The following SLC6A20 variants were observed in gnomAD, a reference collection of about 807,000 sequenced individuals.
The protein encoded by SLC6A20 is solute carrier family 6 member 20.
A neutral mutation model predicts 64.3 loss-of-function variants in SLC6A20; 73 were observed. The observed-to-expected ratio is 1.14, with a 90% confidence interval of 0.94 to 1.38. The LOEUF (loss-of-function observed/expected upper bound fraction) is 1.38, where lower values mean the gene tolerates loss of function less well. SLC6A20 is among the 40% of genes most tolerant of loss of function. SLC6A20 has a pLI of 0.00. For synonymous variants in SLC6A20, 347 were observed against 329.6 expected, an observed-to-expected ratio of 1.05 and a Z score of -0.57; for missense variants, 725 against 772.8, an observed-to-expected ratio of 0.94 and a Z score of 0.73.
At chr3:45,779,515 C>A (rs921654369) in intron 3 of SLC6A20, among the ~76,000 whole-genome samples, 1 of 152,092 alleles carries the variant, frequency 6.6e-6, no homozygotes, top group Non-Finnish European at 1.5e-5. Flanking sequence ...ACTTAGGGGT[C>A]TGCAGGGAAA....
At chr3:45,788,788 G>A (rs1485356919) in intron 1 of SLC6A20, among the ~76,000 whole-genome samples, 1 of 152,194 alleles carries the variant, frequency 6.6e-6, no homozygotes, top group Non-Finnish European at 1.5e-5. Context: ...TGCTGAGAAA[G>A]CGAACCACCT....
chr3:45,795,945 C>T (rs1318245429), intron 1 of SLC6A20, among the ~76,000 whole-genome samples: 1 of 152,144 alleles, frequency 6.6e-6, no homozygotes, highest in Non-Finnish European at 1.5e-5. Context: ...TACACCTAAA[C>T]GTAAGGTTTA....
intron 3 of SLC6A20, among the ~76,000 whole-genome samples, chr3:45,776,847 T>C (rs1699976933): frequency 6.6e-6 from 1 of 152,010 alleles, no homozygotes; most frequent in Admixed American, 6.5e-5. Flanking sequence ...CAGGCGGGGA[T>C]TGGGAAAGCT....
At chr3:45,767,667 A>G (rs2125722246) in intron 7 of SLC6A20, among the ~76,000 whole-genome samples, 1 of 152,336 alleles carries the variant, frequency 6.6e-6, no homozygotes, top group East Asian at 1.9e-4. Flanking sequence ...ACTGATAAGA[A>G]ACATTGGACC....
Position 45,758,811 on chromosome 3 carries a change from C to T in SLC6A20, c.*167G>A, listed in dbSNP as rs906518571. 1.9e-5 allele frequency: 26 copies of T among 1,354,554 alleles called. No individual in the cohort carries two copies. The highest frequency in any genetic ancestry group is 1.1e-4 in the Admixed American group (3 of 28,204). The allele number at this position is 1,354,554 out of a possible 1,614,324, so 83.9% of individuals were successfully genotyped here. A position where few individuals can be genotyped will look rare whatever the true frequency, so the allele number is the denominator to read the frequency against. Reference sequence around the variant, plus strand: ...GGAACAGCCACCACGGGAGGGTGTGCGTTCTCCCAAGGGAGTTTTCTTCCT... The same window carrying T: ...GGAACAGCCACCACGGGAGGGTGTGTGTTCTCCCAAGGGAGTTTTCTTCCT... On this transcript the variant is annotated 3_prime_UTR_variant, in exon 11 of 11. Transcript: ENST00000358525.
At chr3:45,776,507 C>T (rs140862298) in intron 3 of SLC6A20, among the ~76,000 whole-genome samples, 1 of 152,230 alleles carries the variant, frequency 6.6e-6, no homozygotes, top group East Asian at 1.9e-4. Context: ...ACTGGCTCCA[C>T]CCTGCAAAGT....
chr3:45,777,633 C>CG (rs1699992986), intron 3 of SLC6A20, among the ~76,000 whole-genome samples: 1 of 152,186 alleles, frequency 6.6e-6, no homozygotes. Flanking sequence ...CTGAATGATG[C>CG]GGGTGCAGGG....
intron 1 of SLC6A20, among the ~76,000 whole-genome samples, chr3:45,784,159 G>T (rs1700138403): frequency 1.3e-5 from 2 of 152,310 alleles, no homozygotes; most frequent in South Asian, 4.1e-4. Flanking sequence ...ATGCCAAGTG[G>T]GAACATGGGG....
At position 45,796,395 on chromosome 3, in the gene SLC6A20, C is replaced by G. The variant is rs936833799; in HGVS notation, c.25G>C (p.Ala9Pro). 6 of 1,612,264 alleles carry G rather than the reference C, an allele frequency of 3.7e-6. No homozygotes were observed. In the African/African-American group the frequency reaches 8.0e-5, roughly 22 times the overall value. Residue 9 changes from alanine (A) to proline (P), a missense_variant, in exon 1 of 11, where the codon GCC (alanine) becomes CCC (proline). Ala to Pro is a conservative substitution (Grantham distance 27). Transcript: ENST00000358525. The stretch of plus-strand genomic sequence containing the variant: ...GCGAACACGAACTGTAGCGAGTTGG[C>G]CCACAGCGGCCGCGCTTTCTCCATG... MEKARPLW[A>P]NSLQFVFACI... is the part of the protein sequence containing the mutation.
chr3:45,790,746 T>C (rs1700236350), intron 1 of SLC6A20, among the ~76,000 whole-genome samples: 1 of 152,206 alleles, frequency 6.6e-6, no homozygotes, highest in Non-Finnish European at 1.5e-5. Flanking sequence ...GCCACTTCCC[T>C]GCTTAAAATC....
rs201906656 is a variant in SLC6A20 at position 45,759,994 on chromosome 3, C to G, written c.1492G>C (p.Gly498Arg). The G allele has an allele frequency of 6.2e-7, 1 of 1,613,114 alleles. No individual in the cohort carries two copies. The highest frequency in any genetic ancestry group is 8.5e-7 in the Non-Finnish European group (1 of 1,179,712). Residue 498 changes from glycine (G) to arginine (R), a missense_variant, in exon 10 of 11, where the codon GGC (glycine) becomes CGC (arginine). Physicochemically the swap from Gly to Arg is moderately radical, Grantham distance 125. Coordinates refer to ENST00000358525, the MANE Select transcript of SLC6A20 (RefSeq NM_020208.4). ...TTCCAGTACCAGCTCACAGCTCGGC[C>G]GGTCATGGCCTTAAGGTCACTTTCA... Reference protein sequence around the residue: ...RFESDLKAMTGRAVSWYWKVM... With the variant: ...RFESDLKAMTRRAVSWYWKVM...
Position 45,758,465 on chromosome 3 carries a change from G to A in SLC6A20, c.*513C>T. 1 of 1,248,940 alleles carries A rather than the reference G, an allele frequency of 8.0e-7. No homozygotes were observed. The highest frequency in any genetic ancestry group is 1.0e-6 in the Non-Finnish European group (1 of 972,142). 77.4% of individuals were successfully genotyped at this position (1,248,940 alleles called of 1,614,324 possible). ...TAACTTGTCATCCTAAGATTTAAAG[G>A]GTGGAAGGGGAACACAGAAATTGCA... On this transcript the variant is annotated 3_prime_UTR_variant, in exon 11 of 11. Transcript: ENST00000358525.
At chr3:45,780,785 C>T (rs914794358) in intron 2 of SLC6A20, among the ~76,000 whole-genome samples, 1 of 152,176 alleles carries the variant, frequency 6.6e-6, no homozygotes, top group African/African-American at 2.4e-5. Context: ...CTGGGACACT[C>T]GGTAGTAGAA....
rs1000315855 is a variant in SLC6A20, at chr3:45,758,216, T to C, written c.*762A>G. 9 of 253,650 alleles carry C rather than the reference T, an allele frequency of 3.5e-5. No individual in the cohort carries two copies. Among genetic ancestry groups the C allele is most frequent in the Non-Finnish European group, 5.4e-5 (7 of 129,442 alleles). The allele number at this position is 253,650 out of a possible 1,614,324, so 15.7% of individuals were successfully genotyped here. A position where few individuals can be genotyped will look rare whatever the true frequency, so the allele number is the denominator to read the frequency against. ...ACAGGCGTGAGCCACCGTGCCCAGC[T>C]GAGATCCACTTTCATTCTCACCTCA... On this transcript the variant is annotated 3_prime_UTR_variant, in exon 11 of 11. Transcript: ENST00000358525.
At chr3:45,783,769 AGCTTCATCCT>A (rs975912465) in intron 1 of SLC6A20, among the ~76,000 whole-genome samples, 1 of 152,190 alleles carries the variant, frequency 6.6e-6, no homozygotes, top group Non-Finnish European at 1.5e-5. Flanking sequence ...TGGAGTTCCT[AGCTTCATCCT>A]GCTCATGTGG....
rs763494259 is a variant in SLC6A20 at position 45,780,093 on chromosome 3, G to A, written c.270C>T (p.Ala90=). The change falls in exon 3 of 11, where the codon GCC becomes GCT. Residue 90 remains alanine, a synonymous_variant. Coordinates refer to ENST00000358525, the MANE Select transcript of SLC6A20 (RefSeq NM_020208.4). ...AGAGGAAGAAAGAGACCACCACGCT[G>A]GCGACCCCTGCGAGGAAGCAGAGGG... ...ISPYLSGVGV[A]SVVVSFFLSM... 1.3e-5 allele frequency: 20 copies of A among 1,591,612 alleles called. No homozygotes were observed. Among genetic ancestry groups the A allele is most frequent in the Middle Eastern group, 3.3e-4 (2 of 6,056 alleles).
At chr3:45,786,610 A>G (rs1026251327) in intron 1 of SLC6A20, among the ~76,000 whole-genome samples, 2 of 152,182 alleles carry the variant, frequency 1.3e-5, no homozygotes, top group African/African-American at 2.4e-5. Context: ...GAGAGTTACT[A>G]TTCTCCCCTT....
At position 45,765,490 on chromosome 3, in the gene SLC6A20, C is replaced by A; in HGVS notation, c.1303+47G>T. 6.3e-7 allele frequency: 1 copy of A among 1,576,358 alleles called. No homozygotes were observed. The highest frequency in any genetic ancestry group is 1.1e-5 in the South Asian group (1 of 87,082). On this transcript the variant is annotated intron_variant, in intron 8 of 10. Coordinates refer to ENST00000358525, the MANE Select transcript of SLC6A20 (RefSeq NM_020208.4). This position sits in a 1 kb window ranked among gnomAD's most constrained non-coding sequence, Gnocchi z 4.2. ...AGCTCTCCCCTGTTCACCCCCACGC[C>A]TTGGCCCTCCTGACCCCTGCCTCCT...
In SLC6A20 at chr3:45,758,943, T is replaced by A. The variant is rs752464642; in HGVS notation, c.*35A>T. ...GAGGAGTTTCCGCCTGTAAATAGTA[T>A]CTGTAAAACCGTGAGCGGCTGGGAA... is the stretch of plus-strand genomic sequence containing the variant. On this transcript the variant is annotated 3_prime_UTR_variant, in exon 11 of 11. Transcript: ENST00000358525. 9 of 1,555,660 alleles carry A rather than the reference T, an allele frequency of 5.8e-6. 1 individual carries two copies. Among genetic ancestry groups the A allele is most frequent in the Non-Finnish European group, 7.8e-6 (9 of 1,150,204 alleles).
Sources: allele counts gnomAD v4.1 joint callset (sites outside exome capture counted in the v4.1 genomes callset), GRCh38; gene constraint gnomAD v4.1.1; non-coding constraint Gnocchi (gnomAD v3.1); transcripts MANE v1.5; gene names NCBI Gene and HGNC (gene_info 2026-07-23, HGNC 2026-07-21).